Variants in MAP4 observed in about 807,000 individuals in gnomAD.
MAP4 encodes the protein microtubule associated protein 4.
MAP4 carries 76 observed loss-of-function variants against 170.2 expected under a neutral mutation model. The ratio of observed to expected loss-of-function variants is 0.45; its 90% CI spans 0.37 to 0.54. The LOEUF (loss-of-function observed/expected upper bound fraction) is 0.54. Among genes scored for constraint, MAP4 ranks in the 20% least tolerant of loss-of-function variants. The probability of loss-of-function intolerance (pLI) is 0.00; values close to 1 mark genes in which losing one functional copy is unlikely to be tolerated. For missense variants in MAP4, 2,506 were observed against 2,748.0 expected, an observed-to-expected ratio of 0.91 and a Z score of 1.97; for synonymous variants, 909 against 994.5, an observed-to-expected ratio of 0.91 and a Z score of 1.62.
chr3:48,060,668 C>A (rs2100134688), intron 1 of MAP4, among the ~76,000 whole-genome samples: 2 of 151,822 alleles, frequency 1.3e-5, no homozygotes, highest in South Asian at 4.1e-4. Flanking sequence ...AATCCCAGCA[C>A]TTTGGGAGGC....
intron 19 of MAP4, among the ~76,000 whole-genome samples, 173 bp from the exon 20 acceptor site, chr3:47,853,525 A>T (rs1326168302): frequency 2.3e-5 from 1 of 44,334 alleles, no homozygotes; most frequent in Non-Finnish European, 4.7e-5. Flanking sequence ...CACCCACCCC[A>T]CCTCACCTGG....
chr3:48,014,617 C>T (rs143993138), intron 1 of MAP4, among the ~76,000 whole-genome samples: 1 of 152,072 alleles, frequency 6.6e-6, no homozygotes, highest in African/African-American at 2.4e-5. Flanking sequence ...CACTATTGCA[C>T]CACTGCACTC....
At chr3:48,024,824 G>A (rs1332195893) in intron 1 of MAP4, among the ~76,000 whole-genome samples, 1 of 152,116 alleles carries the variant, frequency 6.6e-6, no homozygotes, top group Non-Finnish European at 1.5e-5. Context: ...TAGTTGGTAG[G>A]AGAAACAGGT....
chr3:48,073,973 T>C (rs2100142342), intron 1 of MAP4, among the ~76,000 whole-genome samples: 1 of 152,048 alleles, frequency 6.6e-6, no homozygotes, highest in Non-Finnish European at 1.5e-5. Context: ...ACCCAAAAGA[T>C]TATAAATCAT....
chr3:48,082,225 G>T (rs1017191330), intron 1 of MAP4, among the ~76,000 whole-genome samples: 4 of 152,170 alleles, frequency 2.6e-5, no homozygotes, highest in African/African-American at 9.7e-5. Context: ...CGCTGCCGCA[G>T]GCAAGATTCA....
At chr3:48,009,344 G>T (rs2100104068) in intron 1 of MAP4, among the ~76,000 whole-genome samples, 1 of 152,114 alleles carries the variant, frequency 6.6e-6, no homozygotes, top group Admixed American at 6.5e-5. Context: ...CAAGTGATCT[G>T]CCTGCCTCGG....
chr3:47,977,777 C>A, intron 3 of MAP4, 88 bp downstream of exon 3: 1 of 868,738 alleles, frequency 1.2e-6, no homozygotes, highest in South Asian at 1.6e-5. Flanking sequence ...CATATGCTTC[C>A]ATTAATAATG....
intron 1 of MAP4, among the ~76,000 whole-genome samples, chr3:48,034,073 T>C (rs1369179979): frequency 6.6e-6 from 1 of 152,216 alleles, no homozygotes; most frequent in Non-Finnish European, 1.5e-5. Context: ...AGTGCATACA[T>C]ATTGTGCCAA....
Position 47,916,080 on chromosome 3 carries a change from C to G in MAP4, c.1747G>C (p.Glu583Gln). Residue 583 changes from glutamate (E) to glutamine (Q), a missense_variant, in exon 7 of 21, where the codon GAG (glutamate) becomes CAG (glutamine). Transcript: ENST00000683076. ...AKDVPPLSET[E>Q]ATPVPIKDME... ...TCTTTAATTGGAACTGGTGTTGCCT[C>G]TGTTTCTGAGAGTGGTGGAACATCT... 1 of 1,614,200 alleles carries G rather than the reference C, an allele frequency of 6.2e-7. No homozygotes were observed.
intron 1 of MAP4, among the ~76,000 whole-genome samples, chr3:48,007,358 T>A (rs2100102897): frequency 6.6e-6 from 1 of 152,218 alleles, no homozygotes; most frequent in African/African-American, 2.4e-5. Context: ...CAATGCCTAG[T>A]GGGCATATTT....
In MAP4 at chr3:47,909,803, C is replaced by A; in HGVS notation, c.4618G>T (p.Glu1540Ter). ...KAELADSMKN[E>*]AGIDEGHVIG... Reference sequence around the variant, plus strand: ...ACATGCCCTTCATCGATCCCTGCTTCATTTTTCATGGAATCAGCAAGCTCA... The same window carrying A: ...ACATGCCCTTCATCGATCCCTGCTTAATTTTTCATGGAATCAGCAAGCTCA... The change falls in exon 9 of 21, where the codon GAA (glutamate) becomes TAA (stop). Residue 1540 changes from glutamate to a stop codon, truncating the protein, a stop_gained. Coordinates refer to ENST00000683076, the MANE Select transcript of MAP4 (RefSeq NM_001385682.1). LOFTEE classifies it high-confidence loss of function. 1 of 1,614,028 alleles carries A rather than the reference C, an allele frequency of 6.2e-7. No individual in the cohort carries two copies. The highest frequency in any genetic ancestry group is 8.5e-7 in the Non-Finnish European group (1 of 1,179,896).
At chr3:48,056,755 C>T in intron 1 of MAP4, among the ~76,000 whole-genome samples, 1 of 64,158 alleles carries the variant, frequency 1.6e-5, no homozygotes, top group Admixed American at 1.2e-4. Flanking sequence ...GTGAGGAGCC[C>T]CTCTGCCCGG....
At chr3:47,857,597 T>C in intron 17 of MAP4, 85 bp from the exon 18 acceptor site, 2 of 912,176 alleles carry the variant, frequency 2.2e-6, no homozygotes, top group South Asian at 1.4e-5. Context: ...ATCTTCTCCA[T>C]GTTCAGGGTT....
At chr3:48,036,318 A>G (rs2100118690) in intron 1 of MAP4, among the ~76,000 whole-genome samples, 1 of 152,116 alleles carries the variant, frequency 6.6e-6, no homozygotes, top group Non-Finnish European at 1.5e-5. Context: ...ACCCAATCCC[A>G]TCCAGGCTGG....
chr3:47,985,179 C>T (rs975551773), intron 2 of MAP4, among the ~76,000 whole-genome samples: 3 of 152,040 alleles, frequency 2.0e-5, no homozygotes, highest in African/African-American at 7.2e-5. Flanking sequence ...ACTCGGGAGG[C>T]TGAGGCAGGA....
chr3:48,024,914 T>C (rs1169568497), intron 1 of MAP4, among the ~76,000 whole-genome samples: 1 of 152,084 alleles, frequency 6.6e-6, no homozygotes, highest in Non-Finnish European at 1.5e-5. Flanking sequence ...ATTATCACAA[T>C]ATTTGTTCCA....
intron 16 of MAP4, 88 bp downstream of exon 16, chr3:47,869,126 A>G (rs756905703): frequency 2.9e-6 from 3 of 1,021,362 alleles, no homozygotes; most frequent in African/African-American, 1.6e-5. Context: ...AGGGAAAGGG[A>G]AAAAGTGCAA....
chr3:47,993,914 G>T (rs1305398525), intron 2 of MAP4, among the ~76,000 whole-genome samples: 1 of 152,148 alleles, frequency 6.6e-6, no homozygotes. Context: ...AGCTTCATCA[G>T]AGAGTCCTTC....
chr3:47,902,938 A>T lies in MAP4; in HGVS notation c.5434+12T>A. On this transcript the variant is annotated intron_variant, in intron 10 of 20. Transcript: ENST00000683076. ...AAATTACTTCAAGTTTCACACCAAG[A>T]GAGTTTCTCACCATAAACTGACATT... is the stretch of plus-strand genomic sequence containing the variant. 2 of 983,018 alleles carry T rather than the reference A, an allele frequency of 2.0e-6. No homozygotes were observed. The highest frequency in any genetic ancestry group is 2.4e-6 in the Non-Finnish European group (2 of 827,784). The allele number at this position is 983,018 out of a possible 1,614,324, so 60.9% of individuals were successfully genotyped here.
Sources: allele counts gnomAD v4.1 joint callset (sites outside exome capture counted in the v4.1 genomes callset), GRCh38; gene constraint gnomAD v4.1.1; transcripts MANE v1.5; gene names NCBI Gene and HGNC (gene_info 2026-07-23, HGNC 2026-07-21).